PKN2: variants seen among roughly 807,000 people sequenced by gnomAD.
The protein encoded by PKN2 is protein kinase N2, also known as serine/threonine-protein kinase N2.
Under a neutral mutation model 119.1 loss-of-function variants are expected in PKN2, and 38 were observed. That is an observed-to-expected ratio of 0.32 (90% CI 0.25 to 0.42). PKN2 has a LOEUF of 0.42. Ranked by LOEUF, PKN2 falls within the 10% of genes least tolerant of loss-of-function variation. The pLI is 1.00. For synonymous variants in PKN2, 390 were observed against 384.9 expected (o/e 1.01, Z -0.15); for missense variants, 850 against 1,165.1 (o/e 0.73, Z 3.94).
At chr1:88,770,498 T>C (rs749305416) in intron 4 of PKN2, 29 bp downstream of exon 4, 19 of 1,148,554 alleles carry the variant, frequency 1.7e-5, no homozygotes, top group Non-Finnish European at 2.5e-5. Flanking sequence ...CTCCTTCTTA[T>C]GAGCATAATG....
rs142129138 is a variant in PKN2 at position 88,833,917 on chromosome 1, T to TA, written c.*478dup. On this transcript the variant is annotated 3_prime_UTR_variant, in exon 22 of 22. Coordinates refer to ENST00000370521, the MANE Select transcript of PKN2 (RefSeq NM_006256.4). ...TGAATAAGGCAAATGCTCCTTTTTTTAAAAAAAAAGACATTACTGTAATAT... is the reference window on the plus strand; with the variant it reads ...TGAATAAGGCAAATGCTCCTTTTTTTAAAAAAAAAAGACATTACTGTAATAT... The TA allele has an allele frequency of 0.066, 9,994 of 151,162 alleles. 661 individuals are homozygous for TA. Among genetic ancestry groups the TA allele is most frequent in the African/African-American group, 0.17 (7,171 of 41,208 alleles). 9.4% of individuals were successfully genotyped at this position (151,162 alleles called of 1,614,324 possible).
At chr1:88,685,519 G>C (rs1474036254) in intron 1 of PKN2, among the ~76,000 whole-genome samples, 1 of 152,278 alleles carries the variant, frequency 6.6e-6, no homozygotes, top group East Asian at 1.9e-4. Flanking sequence ...CCCATTTCCA[G>C]ATAAATATTT....
At chr1:88,816,839 C>A (rs1190736315) in intron 16 of PKN2, 1 of 152,042 alleles carries the variant, frequency 6.6e-6, no homozygotes, top group Non-Finnish European at 1.5e-5. Context: ...TTAGCATGAC[C>A]CCTGTGCGAG....
At chr1:88,744,942 A>G (rs1185225637) in intron 2 of PKN2, among the ~76,000 whole-genome samples, 1 of 152,176 alleles carries the variant, frequency 6.6e-6, no homozygotes, top group Non-Finnish European at 1.5e-5. Context: ...TTTTCTCATC[A>G]TGCCCATGAT....
At chr1:88,819,991 C>T (rs912654011) in intron 16 of PKN2, among the ~76,000 whole-genome samples, 6 of 149,816 alleles carry the variant, frequency 4.0e-5, no homozygotes, top group Non-Finnish European at 5.9e-5. Context: ...CATCACACAC[C>T]GGGGGTCGGG....
At chr1:88,809,620 A>G (rs1671697850) in intron 15 of PKN2, among the ~76,000 whole-genome samples, 1 of 152,150 alleles carries the variant, frequency 6.6e-6, no homozygotes, top group African/African-American at 2.4e-5. Flanking sequence ...CTCTACTGAA[A>G]ATTAATCCAG....
At chr1:88,829,202 A>G (rs569046833) in intron 19 of PKN2, 1 of 736,454 alleles carries the variant, frequency 1.4e-6, no homozygotes, top group African/African-American at 1.7e-5. Context: ...TTGTAAAAAC[A>G]GAACGTACAT....
intron 1 of PKN2, among the ~76,000 whole-genome samples, chr1:88,713,398 G>A (rs1667320202): frequency 1.3e-5 from 2 of 152,152 alleles, no homozygotes; most frequent in East Asian, 1.9e-4. Flanking sequence ...CACCAACAGT[G>A]TAAAAGTGTT....
intron 7 of PKN2, 57 bp from the exon 8 acceptor site, chr1:88,786,047 T>A: frequency 9.9e-7 from 1 of 1,010,060 alleles, no homozygotes; most frequent in South Asian, 1.3e-5. Context: ...ACAGCAGTAC[T>A]TCTGTTTTTT....
intron 1 of PKN2, among the ~76,000 whole-genome samples, chr1:88,693,749 C>T (rs1327760270): frequency 2.6e-5 from 4 of 152,180 alleles, no homozygotes; most frequent in African/African-American, 9.7e-5. Flanking sequence ...AGCGAAACAG[C>T]ATTATTAAAG....
Position 88,806,031 on chromosome 1 carries a change from A to T in PKN2, c.1803+14A>T. ...ATACCAGGACAGGCAAGCCATTTTA[A>T]ACCTTGCATAATTCCTCTTCACTGA... is the stretch of plus-strand genomic sequence containing the variant. On this transcript the variant is annotated intron_variant, in intron 12 of 21. Coordinates refer to ENST00000370521, the MANE Select transcript of PKN2 (RefSeq NM_006256.4). The T allele has an allele frequency of 6.2e-7, 1 of 1,606,532 alleles. No homozygotes were observed. Among genetic ancestry groups the T allele is most frequent in the Non-Finnish European group, 8.5e-7 (1 of 1,173,188 alleles).
intron 1 of PKN2, among the ~76,000 whole-genome samples, chr1:88,737,289 C>T (rs150982853): frequency 6.6e-6 from 1 of 152,296 alleles, no homozygotes; most frequent in Non-Finnish European, 1.5e-5. Context: ...TCCACTGAGG[C>T]CATGTCTCTC....
At chr1:88,699,457 G>A (rs1666681827) in intron 1 of PKN2, among the ~76,000 whole-genome samples, 1 of 152,100 alleles carries the variant, frequency 6.6e-6, no homozygotes, top group Admixed American at 6.5e-5. Flanking sequence ...TGTGCAAGAT[G>A]TGCAGGTTTG....
chr1:88,751,473 G>A (rs960439047), intron 2 of PKN2, among the ~76,000 whole-genome samples: 1 of 151,770 alleles, frequency 6.6e-6, no homozygotes, highest in Non-Finnish European at 1.5e-5. Context: ...CATGATGCTT[G>A]GCTGTATATG....
intron 8 of PKN2, among the ~76,000 whole-genome samples, chr1:88,802,668 G>A (rs1045388154): frequency 6.6e-6 from 1 of 152,172 alleles, no homozygotes; most frequent in African/African-American, 2.4e-5. Flanking sequence ...AGAGACAGAG[G>A]AAAGAGAAAT....
At chr1:88,730,072 G>C (rs1668079942) in intron 1 of PKN2, among the ~76,000 whole-genome samples, 1 of 152,122 alleles carries the variant, frequency 6.6e-6, no homozygotes, top group Non-Finnish European at 1.5e-5. Context: ...GGCTGAGGCA[G>C]GAGAATGACG....
At position 88,832,573 on chromosome 1, in the gene PKN2, G is replaced by A. The variant is rs367692524; in HGVS notation, c.2563-171G>A. On this transcript the variant is annotated intron_variant, in intron 19 of 21. Coordinates refer to ENST00000370521, the MANE Select transcript of PKN2 (RefSeq NM_006256.4). The stretch of plus-strand genomic sequence containing the variant: ...TACATATCTGTTGTCACTTCTTATA[G>A]TTCTTTTGTTGTTGTTTTGGTAGGC... 1.7e-4 allele frequency among the ~76,000 whole-genome samples: 26 copies of A among 151,968 alleles called. No homozygotes were observed. The East Asian group carries it at 3.3e-3, about 19-fold the overall frequency.
intron 1 of PKN2, among the ~76,000 whole-genome samples, chr1:88,689,743 G>T (rs1315743921): frequency 6.6e-6 from 1 of 152,172 alleles, no homozygotes; most frequent in Non-Finnish European, 1.5e-5. Context: ...CTCAGGAGGC[G>T]GAGGTTGCAG....
intron 15 of PKN2, among the ~76,000 whole-genome samples, chr1:88,809,778 T>A (rs1404616565): frequency 1.3e-5 from 2 of 152,136 alleles, no homozygotes; most frequent in Admixed American, 1.3e-4. Context: ...AACTGATCCA[T>A]CTACATTTCT....
Sources: gnomAD v4.1 joint callset for allele counts (sites outside exome capture counted in the v4.1 genomes callset) on GRCh38, gnomAD v4.1.1 for gene constraint, MANE v1.5 for transcripts, NCBI Gene and HGNC (gene_info 2026-07-23, HGNC 2026-07-21) for gene names.